The following RFX3 variants were observed in gnomAD, a reference collection of about 807,000 sequenced individuals.
RFX3 encodes the protein regulatory factor X3, also known as transcription factor RFX3.
In RFX3, 14 loss-of-function variants were observed where a neutral mutation model predicts 98.6. That is an observed-to-expected ratio of 0.14 (90% CI 0.09 to 0.22). The LOEUF (loss-of-function observed/expected upper bound fraction) is 0.22. Ranked by LOEUF, RFX3 falls within the 10% of genes least tolerant of loss-of-function variation. The pLI is 1.00. For missense variants in RFX3, 639 were observed against 926.9 expected (o/e 0.69, Z 4.03); for synonymous variants, 383 against 328.4 (o/e 1.17, Z -1.80).
intron 1 of RFX3, among the ~76,000 whole-genome samples, chr9:3,468,453 G>A (rs1039714268): frequency 4.6e-5 from 7 of 152,034 alleles, no homozygotes; most frequent in African/African-American, 1.7e-4. Context: ...TTATGTATCT[G>A]GCCCTTTTTG....
At chr9:3,463,063 T>C (rs1289584845) in intron 1 of RFX3, among the ~76,000 whole-genome samples, 1 of 152,202 alleles carries the variant, frequency 6.6e-6, no homozygotes, top group East Asian at 1.9e-4. Flanking sequence ...TATGAAAATG[T>C]AGAGGACATA....
At chr9:3,292,816 C>G (rs1210329682) in intron 6 of RFX3, among the ~76,000 whole-genome samples, 2 of 152,048 alleles carry the variant, frequency 1.3e-5, no homozygotes, top group African/African-American at 4.8e-5. Context: ...ACAGGTTGGT[C>G]TGCTAATTTC....
intron 1 of RFX3, among the ~76,000 whole-genome samples, chr9:3,474,090 C>T (rs933229880): frequency 6.6e-6 from 1 of 152,044 alleles, no homozygotes; most frequent in Non-Finnish European, 1.5e-5. Flanking sequence ...GGCTGGGAAC[C>T]ACACTTTGAG....
intron 3 of RFX3, among the ~76,000 whole-genome samples, chr9:3,339,568 C>G (rs1164760652): frequency 6.6e-6 from 1 of 152,158 alleles, no homozygotes; most frequent in African/African-American, 2.4e-5. Flanking sequence ...TCTCACTGAT[C>G]ATTCAATGCT....
intron 4 of RFX3, among the ~76,000 whole-genome samples, chr9:3,316,781 G>C (rs1035700590): frequency 1.3e-5 from 2 of 152,036 alleles, no homozygotes; most frequent in South Asian, 2.1e-4. Context: ...GCATCAAAGA[G>C]AATAAAATAC....
intron 1 of RFX3, among the ~76,000 whole-genome samples, chr9:3,436,644 A>G (rs1454648751): frequency 2.0e-5 from 3 of 152,122 alleles, no homozygotes; most frequent in Non-Finnish European, 4.4e-5. Flanking sequence ...TACATTTTTA[A>G]AAGTAAAAAG....
intron 1 of RFX3, among the ~76,000 whole-genome samples, chr9:3,516,754 T>C (rs758997114): frequency 2.6e-5 from 4 of 152,066 alleles, no homozygotes; most frequent in East Asian, 3.9e-4. Context: ...CTCTGTTAAA[T>C]TGCCTATCCA....
chr9:3,301,362 A>T (rs1000065608), intron 5 of RFX3, among the ~76,000 whole-genome samples, 184 bp downstream of exon 5: 4 of 151,744 alleles, frequency 2.6e-5, no homozygotes, highest in Admixed American at 2.6e-4. Flanking sequence ...TATACTGGAG[A>T]CTCTATTTTT....
intron 1 of RFX3, among the ~76,000 whole-genome samples, chr9:3,413,939 T>C (rs768393148): frequency 4.9e-4 from 75 of 152,126 alleles, no homozygotes; most frequent in African/African-American, 1.6e-3. Context: ...ATTCTCCCAA[T>C]AAATCAAGAT....
Position 3,394,201 on chromosome 9 carries a change from T to C in RFX3, c.117+1271A>G, listed in dbSNP as rs548820807. Reference sequence around the variant, plus strand: ...CAAAATGGCCGGGCACAGTAGCTCATGCCTGTAATCCCAGCACTTTGGGAG... The same window carrying C: ...CAAAATGGCCGGGCACAGTAGCTCACGCCTGTAATCCCAGCACTTTGGGAG... On this transcript the variant is annotated intron_variant, in intron 2 of 16. Transcript: ENST00000617270. 4.2e-3 allele frequency among the ~76,000 whole-genome samples: 639 copies of C among 152,228 alleles called. 1 individual carries two copies. Among genetic ancestry groups the C allele is most frequent in the Middle Eastern group, 0.014 (4 of 294 alleles).
chr9:3,415,882 T>C (rs1240761028), intron 1 of RFX3, among the ~76,000 whole-genome samples: 1 of 152,202 alleles, frequency 6.6e-6, no homozygotes, highest in East Asian at 1.9e-4. Context: ...GCAATGTTCC[T>C]GAATGTCCCA....
chr9:3,311,354 A>G (rs1395266142), intron 4 of RFX3, among the ~76,000 whole-genome samples: 1 of 152,208 alleles, frequency 6.6e-6, no homozygotes, highest in Non-Finnish European at 1.5e-5. Flanking sequence ...TTATGTTTAG[A>G]AAAGGGAATT....
chr9:3,484,737 A>C (rs901328096), intron 1 of RFX3, among the ~76,000 whole-genome samples: 9 of 152,190 alleles, frequency 5.9e-5, no homozygotes, highest in African/African-American at 2.2e-4. Context: ...AAGGTAATAA[A>C]GCAATTAAGT....
At chr9:3,250,893 T>A (rs534730140) in intron 14 of RFX3, among the ~76,000 whole-genome samples, 3 of 152,122 alleles carry the variant, frequency 2.0e-5, no homozygotes, top group Admixed American at 6.6e-5. Context: ...CCCAAGTGAA[T>A]TGGAATATCT....
chr9:3,485,981 A>G (rs1476144978), intron 1 of RFX3, among the ~76,000 whole-genome samples: 5 of 151,778 alleles, frequency 3.3e-5, no homozygotes, highest in Non-Finnish European at 5.9e-5. Context: ...AAAATTAGCC[A>G]GGCATGGTGG....
At chr9:3,503,958 T>G (rs1816333987) in intron 1 of RFX3, among the ~76,000 whole-genome samples, 1 of 151,564 alleles carries the variant, frequency 6.6e-6, no homozygotes, top group African/African-American at 2.4e-5. Context: ...TTTTTACTTT[T>G]AACACTTCAT....
chr9:3,263,193 A>G, intron 12 of RFX3, 109 bp from the exon 13 acceptor site: 1 of 1,123,996 alleles, frequency 8.9e-7, no homozygotes, highest in South Asian at 1.5e-5. Flanking sequence ...TGCCTCTGAC[A>G]CTTATTTAAA....
At chr9:3,275,058 A>C (rs1420073281) in intron 9 of RFX3, among the ~76,000 whole-genome samples, 1 of 151,716 alleles carries the variant, frequency 6.6e-6, no homozygotes, top group African/African-American at 2.4e-5. Flanking sequence ...TATTCTTTTG[A>C]TGGCTGTATA....
At chr9:3,370,013 T>G (rs1837648382) in intron 2 of RFX3, among the ~76,000 whole-genome samples, 1 of 143,238 alleles carries the variant, frequency 7.0e-6, no homozygotes, top group Non-Finnish European at 1.6e-5. Context: ...TTTTTTTTTT[T>G]TGTATTTTTA....
Sources: allele counts gnomAD v4.1 joint callset (sites outside exome capture counted in the v4.1 genomes callset), GRCh38; gene constraint gnomAD v4.1.1; transcripts MANE v1.5; gene names NCBI Gene and HGNC (gene_info 2026-07-23, HGNC 2026-07-21).